MAGI2: variants seen among roughly 807,000 people sequenced by gnomAD.
MAGI2 encodes membrane associated guanylate kinase, WW and PDZ domain containing 2, also known as membrane-associated guanylate kinase, WW and PDZ domain-containing protein 2.
Under a neutral mutation model 133.3 loss-of-function variants are expected in MAGI2, and 35 were observed. The ratio of observed to expected loss-of-function variants is 0.26; its 90% CI spans 0.20 to 0.35. MAGI2 has a LOEUF of 0.35. MAGI2 is among the 10% of genes least tolerant of loss of function. MAGI2 has a pLI of 1.00. For synonymous variants in MAGI2, 729 were observed against 710.6 expected, an observed-to-expected ratio of 1.03 and a Z score of -0.41; for missense variants, 1,636 against 1,863.4, an observed-to-expected ratio of 0.88 and a Z score of 2.25.
intron 1 of MAGI2, among the ~76,000 whole-genome samples, chr7:79,140,892 T>C (rs187311864): frequency 6.6e-6 from 1 of 152,196 alleles, no homozygotes; most frequent in Non-Finnish European, 1.5e-5. Context: ...TTTTTGGCAA[T>C]AGCAACATTG....
In MAGI2 at chr7:79,338,116, C is replaced by T. The variant is rs139988582; in HGVS notation, c.301+114904G>A. On this transcript the variant is annotated intron_variant, in intron 1 of 21. Coordinates refer to ENST00000354212, the MANE Select transcript of MAGI2 (RefSeq NM_012301.4). Reference sequence around the variant, plus strand: ...TACTTTTGCACTTTTGGATTTGTAACGATTAATTATTCCCCTTGGCAACCT... The same window carrying T: ...TACTTTTGCACTTTTGGATTTGTAATGATTAATTATTCCCCTTGGCAACCT... 2.4e-3 allele frequency among the ~76,000 whole-genome samples: 359 copies of T among 152,158 alleles called. 1 individual carries two copies. Among genetic ancestry groups the T allele is most frequent in the African/African-American group, 8.4e-3 (347 of 41,508 alleles).
intron 2 of MAGI2, among the ~76,000 whole-genome samples, chr7:78,635,434 C>A (rs1449732098): frequency 1.3e-5 from 2 of 152,164 alleles, no homozygotes; most frequent in Admixed American, 1.3e-4. Flanking sequence ...GATGATGGCT[C>A]AGTGCAGTCA....
chr7:78,210,554 T>A (rs1179884246), intron 10 of MAGI2, among the ~76,000 whole-genome samples: 2 of 152,134 alleles, frequency 1.3e-5, no homozygotes, highest in African/African-American at 4.8e-5. Context: ...TGGGTTCAAA[T>A]GTAGTTTGAA....
intron 9 of MAGI2, among the ~76,000 whole-genome samples, chr7:78,257,040 T>C (rs1377452114): frequency 1.3e-5 from 2 of 152,226 alleles, no homozygotes; most frequent in East Asian, 3.8e-4. Flanking sequence ...CAATTGCCTT[T>C]TTTCTTTTTT....
intron 3 of MAGI2, 38 bp from the exon 4 acceptor site, chr7:78,521,683 T>A (rs746583902): frequency 6.5e-7 from 1 of 1,546,562 alleles, no homozygotes; most frequent in Non-Finnish European, 8.9e-7. Flanking sequence ...AGTTAAATAT[T>A]TCTTCTACCA....
At chr7:78,410,248 A>C (rs773577353) in intron 6 of MAGI2, among the ~76,000 whole-genome samples, 10 of 152,098 alleles carry the variant, frequency 6.6e-5, no homozygotes, top group Non-Finnish European at 1.5e-4. Flanking sequence ...TTACAGAATA[A>C]GCGGGATTAA....
At chr7:78,638,702 G>A (rs542296274) in intron 2 of MAGI2, among the ~76,000 whole-genome samples, 1 of 152,274 alleles carries the variant, frequency 6.6e-6, no homozygotes, top group South Asian at 2.1e-4. Context: ...ATAATTCCAA[G>A]ATTCTTGACT....
intron 9 of MAGI2, among the ~76,000 whole-genome samples, chr7:78,274,145 C>T (rs924804974): frequency 6.6e-6 from 1 of 152,134 alleles, no homozygotes; most frequent in African/African-American, 2.4e-5. Context: ...TTTGTTGATG[C>T]TGATACTATT....
intron 2 of MAGI2, among the ~76,000 whole-genome samples, chr7:78,879,895 AT>A (rs1428373398): frequency 6.6e-6 from 1 of 152,078 alleles, no homozygotes; most frequent in Admixed American, 6.6e-5. Flanking sequence ...CGCTTCTGGA[AT>A]TGCAAAACTT....
intron 9 of MAGI2, among the ~76,000 whole-genome samples, chr7:78,267,837 A>C (rs1794167802): frequency 6.6e-6 from 1 of 152,222 alleles, no homozygotes; most frequent in Non-Finnish European, 1.5e-5. Flanking sequence ...ATTTCACTGC[A>C]GACAATGGAA....
chr7:78,649,247 A>G (rs28578670), intron 2 of MAGI2, among the ~76,000 whole-genome samples: 1 of 149,154 alleles, frequency 6.7e-6, no homozygotes, highest in Admixed American at 6.7e-5. Flanking sequence ...AAAAAAAAAG[A>G]AAAAAAGTAA....
chr7:78,795,765 G>A (rs918927512), intron 2 of MAGI2, among the ~76,000 whole-genome samples: 1 of 151,940 alleles, frequency 6.6e-6, no homozygotes, highest in South Asian at 2.1e-4. Flanking sequence ...AATAACCAAA[G>A]CGGCATGGTA....
intron 3 of MAGI2, among the ~76,000 whole-genome samples, chr7:78,558,760 A>G (rs1800080333): frequency 6.6e-6 from 1 of 151,860 alleles, no homozygotes; most frequent in South Asian, 2.1e-4. Context: ...GGTCTCAATA[A>G]CTATTCAGTT....
intron 4 of MAGI2, among the ~76,000 whole-genome samples, chr7:78,503,685 C>A (rs1357709685): frequency 2.8e-5 from 4 of 141,862 alleles, no homozygotes; most frequent in African/African-American, 5.3e-5. Context: ...CCCCTGTCCT[C>A]TCCTCTCCTC....
chr7:78,230,797 G>C (rs1463077259), intron 10 of MAGI2, among the ~76,000 whole-genome samples: 1 of 152,176 alleles, frequency 6.6e-6, no homozygotes, highest in Non-Finnish European at 1.5e-5. Context: ...TTCCTTCCAT[G>C]TGACTGGCTG....
intron 2 of MAGI2, among the ~76,000 whole-genome samples, chr7:78,920,692 T>A (rs1162341773): frequency 6.6e-6 from 1 of 152,120 alleles, no homozygotes; most frequent in Non-Finnish European, 1.5e-5. Context: ...TCACCTTTTT[T>A]CCTCTTCTAA....
At chr7:78,359,610 G>A (rs185389715) in intron 7 of MAGI2, among the ~76,000 whole-genome samples, 104 of 151,808 alleles carry the variant, frequency 6.9e-4, no homozygotes, top group Non-Finnish European at 1.2e-3. Context: ...ATAATAATTC[G>A]CCCTTCTGAG....
At chr7:78,233,891 T>TTCCTTA (rs1292840428) in intron 10 of MAGI2, among the ~76,000 whole-genome samples, 3 of 152,122 alleles carry the variant, frequency 2.0e-5, no homozygotes, top group African/African-American at 7.2e-5. Flanking sequence ...AGAAGGTAGT[T>TTCCTTA]TCCTTAGCAT....
chr7:79,407,694 G>A (rs1223150280), intron 1 of MAGI2, among the ~76,000 whole-genome samples: 1 of 151,952 alleles, frequency 6.6e-6, no homozygotes, highest in African/African-American at 2.4e-5. Context: ...AGCAAATTCT[G>A]TCCAGACCTA....
Sources: allele counts gnomAD v4.1 joint callset (sites outside exome capture counted in the v4.1 genomes callset), GRCh38; gene constraint gnomAD v4.1.1; transcripts MANE v1.5; gene names NCBI Gene and HGNC (gene_info 2026-07-23, HGNC 2026-07-21).